The following EGFR variants were observed in gnomAD, a reference collection of about 807,000 sequenced individuals.
EGFR encodes epidermal growth factor receptor, also known as avian erythroblastic leukemia viral (v-erb-b) oncogene homolog.
In EGFR, 58 loss-of-function variants were observed where a neutral mutation model predicts 143.0. The observed-to-expected ratio is 0.41, with a 90% CI of 0.33 to 0.50. The LOEUF is 0.50. Among genes scored for constraint, EGFR ranks in the 20% least tolerant of loss-of-function variants. EGFR has a pLI of 0.39. For missense variants in EGFR, 1,307 were observed against 1,579.0 expected, an observed-to-expected ratio of 0.83 and a Z score of 2.92; for synonymous variants, 613 against 594.4, an observed-to-expected ratio of 1.03 and a Z score of -0.45.
intron 1 of EGFR, among the ~76,000 whole-genome samples, chr7:55,025,558 G>A (rs183132459): frequency 1.3e-5 from 2 of 152,294 alleles, no homozygotes; most frequent in Admixed American, 6.5e-5. Context: ...AGCTTGAAGT[G>A]CTCAGATGGA....
At chr7:55,170,068 C>G (rs1460767820) in intron 15 of EGFR, among the ~76,000 whole-genome samples, 1 of 152,070 alleles carries the variant, frequency 6.6e-6, no homozygotes, top group African/African-American at 2.4e-5. Context: ...TATATTCCAC[C>G]CCTACGAAGC....
intron 1 of EGFR, among the ~76,000 whole-genome samples, chr7:55,052,164 T>C (rs1370062032): frequency 5.3e-5 from 8 of 152,180 alleles, no homozygotes; most frequent in Admixed American, 2.6e-4. Flanking sequence ...AGTTTTCCCT[T>C]ATCTAAAATA....
chr7:55,093,482 C>T (rs1199250948), intron 1 of EGFR, among the ~76,000 whole-genome samples: 2 of 152,140 alleles, frequency 1.3e-5, no homozygotes, highest in African/African-American at 4.8e-5. Flanking sequence ...CATGCCCTCC[C>T]TCCCCACCGC....
At chr7:55,047,580 T>G (rs1437768991) in intron 1 of EGFR, among the ~76,000 whole-genome samples, 1 of 152,166 alleles carries the variant, frequency 6.6e-6, no homozygotes, top group Non-Finnish European at 1.5e-5. Context: ...TGAAACCCCA[T>G]GCCTACTAAA....
Position 55,184,013 on chromosome 7 carries a change from G to A in EGFR, c.2469+2535G>A, listed in dbSNP as rs368099770. On this transcript the variant is annotated intron_variant, in intron 20 of 27. Transcript: ENST00000275493. ...GGGGCACGTAGTCTTGGCAGGTTTC[G>A]CTCAATATAGGATGAGCTCAGGACT... Among the ~76,000 whole-genome samples the A allele has an allele frequency of 8.5e-5, 13 of 152,326 alleles. 1 individual carries two copies. Among genetic ancestry groups the A allele is most frequent in the Middle Eastern group, 3.4e-3 (1 of 294 alleles).
intron 1 of EGFR, among the ~76,000 whole-genome samples, chr7:55,127,649 G>C (rs1458218679): frequency 6.6e-6 from 1 of 152,148 alleles, no homozygotes; most frequent in East Asian, 1.9e-4. Flanking sequence ...ATAGCCATTA[G>C]GACCAATCCT....
chr7:55,201,264 A>G lies in EGFR; in HGVS notation c.3023A>G (p.Asp1008Gly), dbSNP rs1487738928. The G allele has an allele frequency of 1.2e-6, 2 of 1,614,164 alleles. No homozygotes were observed. Among genetic ancestry groups the G allele is most frequent in the Non-Finnish European group, 1.7e-6 (2 of 1,180,028 alleles). The change falls in exon 25 of 28, where the codon GAC becomes GGC. Residue 1008 changes from aspartate to glycine, a missense_variant. By Grantham distance (94) the Asp-to-Gly change is moderately conservative. Transcript: ENST00000275493. ...YRALMDEEDM[D>G]DVVDADEYLI... ...GCCCTGATGGATGAAGAAGACATGG[A>G]CGACGTGGTGGATGCCGACGAGTAC...
In EGFR at chr7:55,076,863, G is replaced by A. The variant is rs113985872; in HGVS notation, c.88+57498G>A. Among the ~76,000 whole-genome samples, 636 of 152,186 alleles carry A rather than the reference G, an allele frequency of 4.2e-3. 4 individuals carry two copies. The highest frequency in any genetic ancestry group is 7.7e-3 in the Non-Finnish European group (522 of 68,010). ...AATGCCTGCCACTCCATCATTAGCT[G>A]TTGTCATGTAGGCTATCAATAAATA... On this transcript the variant is annotated intron_variant, in intron 1 of 27. Coordinates refer to ENST00000275493, the MANE Select transcript of EGFR (RefSeq NM_005228.5).
At chr7:55,170,802 T>C (rs1214767392) in intron 15 of EGFR, 1 of 1,425,938 alleles carries the variant, frequency 7.0e-7, no homozygotes, top group Non-Finnish European at 9.1e-7. Context: ...GTAATTAGCA[T>C]GGCCCCAGTC....
At chr7:55,098,362 G>A (rs886920615) in intron 1 of EGFR, among the ~76,000 whole-genome samples, 5 of 152,172 alleles carry the variant, frequency 3.3e-5, no homozygotes, top group African/African-American at 9.7e-5. Context: ...CCGACAGCAC[G>A]CATGACCTTC....
chr7:55,090,962 A>G (rs567305619), intron 1 of EGFR, among the ~76,000 whole-genome samples: 1 of 152,200 alleles, frequency 6.6e-6, no homozygotes, highest in Non-Finnish European at 1.5e-5. Context: ...TTGTTATTAA[A>G]TGTGACTTTG....
At position 55,130,033 on chromosome 7, in the gene EGFR, T is replaced by C. The variant is rs116742385; in HGVS notation, c.89-12253T>C. 4.4e-3 allele frequency among the ~76,000 whole-genome samples: 663 copies of C among 152,206 alleles called. 4 individuals are homozygous for C. Among genetic ancestry groups the C allele is most frequent in the African/African-American group, 0.014 (592 of 41,504 alleles). On this transcript the variant is annotated intron_variant, in intron 1 of 27. Coordinates refer to ENST00000275493, the MANE Select transcript of EGFR (RefSeq NM_005228.5). ...CTGCGTTCACACTATCCCAGCAGAG[T>C]TGAATAATTGGGACAGGGACCATAT...
At chr7:55,151,493 G>C (rs1284795159) in intron 5 of EGFR, 131 bp downstream of exon 5, 1 of 943,668 alleles carries the variant, frequency 1.1e-6, no homozygotes, top group South Asian at 1.4e-5. Context: ...ATGTGAACCA[G>C]TAGGTGAAGG....
At chr7:55,151,081 G>A (rs561385110) in intron 4 of EGFR, among the ~76,000 whole-genome samples, 3 of 152,250 alleles carry the variant, frequency 2.0e-5, no homozygotes, top group Admixed American at 6.5e-5. Context: ...CTCAGTTTCC[G>A]CAGCTGACAT....
intron 22 of EGFR, among the ~76,000 whole-genome samples, chr7:55,195,752 A>G (rs1787588159): frequency 6.6e-6 from 1 of 152,160 alleles, no homozygotes; most frequent in African/African-American, 2.4e-5. Flanking sequence ...GCTCCCACTT[A>G]TAAGTAAGAA....
chr7:55,131,537 C>T (rs1793831761), intron 1 of EGFR, among the ~76,000 whole-genome samples: 1 of 152,188 alleles, frequency 6.6e-6, no homozygotes, highest in South Asian at 2.1e-4. Flanking sequence ...TGAAGCAGCA[C>T]CATGCGAGCT....
At chr7:55,124,356 T>G (rs137942504) in intron 1 of EGFR, among the ~76,000 whole-genome samples, 14 of 152,314 alleles carry the variant, frequency 9.2e-5, no homozygotes, top group African/African-American at 3.1e-4. Context: ...AAATAAAAAA[T>G]GAATAAGCCT....
At chr7:55,176,408 TAA>T (rs1397576609) in intron 19 of EGFR, among the ~76,000 whole-genome samples, 1 of 152,126 alleles carries the variant, frequency 6.6e-6, no homozygotes, top group Non-Finnish European at 1.5e-5. Flanking sequence ...GCTTAAAAGT[TAA>T]GTGCACCCAA....
rs1786356818 is a variant in EGFR at position 55,019,166 on chromosome 7, G to C, written c.-112G>C. 2 of 879,790 alleles carry C rather than the reference G, an allele frequency of 2.3e-6. No individual in the cohort carries two copies. The highest frequency in any genetic ancestry group is 3.3e-6 in the Non-Finnish European group (2 of 605,472). 54.5% of individuals were successfully genotyped at this position (879,790 alleles called of 1,614,324 possible). ...GACCGGACGACAGGCCACCTCGTCGGCGTCCGCCCGAGTCCCCGCCTCGCC... is the reference window on the plus strand; with the variant it reads ...GACCGGACGACAGGCCACCTCGTCGCCGTCCGCCCGAGTCCCCGCCTCGCC... On this transcript the variant is annotated 5_prime_UTR_variant, in exon 1 of 28. Transcript: ENST00000275493.
Sources: gnomAD v4.1 joint callset for allele counts (sites outside exome capture counted in the v4.1 genomes callset) on GRCh38, gnomAD v4.1.1 for gene constraint, MANE v1.5 for transcripts, NCBI Gene and HGNC (gene_info 2026-07-23, HGNC 2026-07-21) for gene names.